The following FILIP1 variants were observed in gnomAD, a reference collection of about 807,000 sequenced individuals.
FILIP1 encodes filamin A interacting protein 1, also known as filamin-A-interacting protein 1.
Under a neutral mutation model 102.1 loss-of-function variants are expected in FILIP1, and 61 were observed. The observed-to-expected ratio is 0.60, with a 90% CI of 0.49 to 0.74. The LOEUF is 0.74. Ranked by LOEUF, FILIP1 falls within the 30% of genes least tolerant of loss-of-function variation. The probability of loss-of-function intolerance (pLI) is 0.00; values close to 1 mark genes in which losing one functional copy is unlikely to be tolerated. For synonymous variants in FILIP1, 491 were observed against 526.9 expected (o/e 0.93, Z 0.93); for missense variants, 1,314 against 1,441.2 (o/e 0.91, Z 1.43).
At chr6:75,341,496 A>G (rs1007303459) in intron 4 of FILIP1, among the ~76,000 whole-genome samples, 1 of 152,038 alleles carries the variant, frequency 6.6e-6, no homozygotes, top group African/African-American at 2.4e-5. Context: ...CAGTCTTAGA[A>G]TATGATCCTT....
intron 1 of FILIP1, among the ~76,000 whole-genome samples, chr6:75,462,245 G>A (rs1779043900): frequency 6.6e-6 from 1 of 152,162 alleles, no homozygotes; most frequent in South Asian, 2.1e-4. Flanking sequence ...CAATCAGAAT[G>A]GATGTCAGCT....
At chr6:75,292,669 TAAAG>T (rs1037617651) in exon 7 of FILIP1, 1 of 151,890 alleles carries the variant, frequency 6.6e-6, no homozygotes, top group African/African-American at 2.4e-5. Flanking sequence ...GCACTGGAGA[TAAAG>T]AAGGGGAAAT....
chr6:75,462,338 C>T (rs1046783785), intron 1 of FILIP1, among the ~76,000 whole-genome samples: 2 of 152,040 alleles, frequency 1.3e-5, no homozygotes, highest in African/African-American at 4.8e-5. Flanking sequence ...AGCTTGACCC[C>T]TTTGTCTTCT....
intron 1 of FILIP1, among the ~76,000 whole-genome samples, chr6:75,451,054 A>T (rs1035991390): frequency 2.6e-4 from 39 of 152,158 alleles, no homozygotes; most frequent in Admixed American, 7.2e-4. Flanking sequence ...TGGGGCAGGG[A>T]TAAGTGTTGG....
At chr6:75,416,982 C>A (rs1777292674) in intron 1 of FILIP1, among the ~76,000 whole-genome samples, 1 of 151,906 alleles carries the variant, frequency 6.6e-6, no homozygotes, top group South Asian at 2.1e-4. Context: ...TATATTAGTT[C>A]TTTCTAAAAA....
chr6:75,417,992 G>A (rs1197004876), intron 1 of FILIP1, among the ~76,000 whole-genome samples: 1 of 152,194 alleles, frequency 6.6e-6, no homozygotes, highest in Non-Finnish European at 1.5e-5. Context: ...AAGGTCGGGA[G>A]ATCAAGACCA....
intron 2 of FILIP1, among the ~76,000 whole-genome samples, chr6:75,412,323 C>T (rs1582466168): frequency 6.6e-6 from 1 of 152,160 alleles, no homozygotes; most frequent in East Asian, 1.9e-4. Flanking sequence ...TGGGCTGAGG[C>T]GATGGGGTTT....
chr6:75,466,581 T>A (rs1779172088), intron 1 of FILIP1, among the ~76,000 whole-genome samples: 1 of 152,230 alleles, frequency 6.6e-6, no homozygotes, highest in South Asian at 2.1e-4. Context: ...ATATTCTGTC[T>A]TCTGTTAGAC....
chr6:75,408,439 ACTGGC>A (rs1232050014), intron 2 of FILIP1, among the ~76,000 whole-genome samples: 5 of 152,242 alleles, frequency 3.3e-5, no homozygotes, highest in African/African-American at 1.2e-4. Flanking sequence ...GGATACCTGG[ACTGGC>A]AAACAAAACA....
rs752453520 is a variant in FILIP1 at position 75,447,468 on chromosome 6, A to G, written c.-6-32490T>C. Among the ~76,000 whole-genome samples the G allele has an allele frequency of 9.1e-4, 139 of 152,174 alleles. 1 individual carries two copies. Among genetic ancestry groups the G allele is most frequent in the Non-Finnish European group, 1.7e-3 (113 of 68,016 alleles). ...AATGTGCAGGGAGCCCTGGGATTCCACTGACTATTTGAAGAGAAGAGGAGA... is the reference window on the plus strand; with the variant it reads ...AATGTGCAGGGAGCCCTGGGATTCCGCTGACTATTTGAAGAGAAGAGGAGA... On this transcript the variant is annotated intron_variant, in intron 1 of 5. Transcript: ENST00000237172.
intron 2 of FILIP1, among the ~76,000 whole-genome samples, chr6:75,375,281 G>T (rs1375373272): frequency 6.6e-6 from 1 of 152,220 alleles, no homozygotes; most frequent in African/African-American, 2.4e-5. Flanking sequence ...GGGAAGAGTA[G>T]CCCTGTCTAT....
chr6:75,440,942 T>C (rs1778190559), intron 1 of FILIP1, among the ~76,000 whole-genome samples: 1 of 138,710 alleles, frequency 7.2e-6, no homozygotes, highest in Admixed American at 7.5e-5. Context: ...AGGAGCGACG[T>C]CTCAAAAAAA....
intron 4 of FILIP1, chr6:75,319,133 A>T: frequency 1.4e-6 from 1 of 724,674 alleles, no homozygotes; most frequent in Non-Finnish European, 2.5e-6. Context: ...CTTTTTTCAG[A>T]CTTGACAATT....
intron 2 of FILIP1, among the ~76,000 whole-genome samples, chr6:75,401,132 T>C (rs1208722338): frequency 6.6e-6 from 1 of 152,188 alleles, no homozygotes; most frequent in African/African-American, 2.4e-5. Flanking sequence ...CAAGCACTTG[T>C]GGACACCAGT....
intron 4 of FILIP1, among the ~76,000 whole-genome samples, chr6:75,329,589 A>G (rs1249058736): frequency 1.3e-5 from 2 of 152,168 alleles, no homozygotes; most frequent in Non-Finnish European, 2.9e-5. Context: ...TCATAAGGGC[A>G]TGATAGTAAT....
chr6:75,352,024 A>C (rs1351577668), intron 4 of FILIP1, among the ~76,000 whole-genome samples: 2 of 152,246 alleles, frequency 1.3e-5, no homozygotes, highest in Non-Finnish European at 2.9e-5. Context: ...AGTACACAAC[A>C]ATTTAGCCAT....
At chr6:75,404,838 C>A (rs140336531) in intron 2 of FILIP1, among the ~76,000 whole-genome samples, 126 of 152,246 alleles carry the variant, frequency 8.3e-4, no homozygotes, top group African/African-American at 2.8e-3. Context: ...ACTTTTGATT[C>A]ACCACTTCCT....
At chr6:75,416,677 T>C (rs1777282058) in intron 1 of FILIP1, among the ~76,000 whole-genome samples, 1 of 152,084 alleles carries the variant, frequency 6.6e-6, no homozygotes, top group Non-Finnish European at 1.5e-5. Flanking sequence ...TGGACTTCCC[T>C]AACTGAATTG....
In FILIP1 at chr6:75,314,581, A is replaced by T. The variant is rs758532905; in HGVS notation, c.1251T>A (p.His417Gln). 1 of 1,613,838 alleles carries T rather than the reference A, an allele frequency of 6.2e-7. No homozygotes were observed. The highest frequency in any genetic ancestry group is 1.1e-5 in the South Asian group (1 of 91,026). The change falls in exon 5 of 6, where the codon CAT (histidine) becomes CAA (glutamine). Residue 417 changes from histidine to glutamine, a missense_variant. Coordinates refer to ENST00000237172, the MANE Select transcript of FILIP1 (RefSeq NM_015687.5). ...CAACTTCAAGTCTGAGCTCCTTACT[A>T]TGGTGTTCTTCCTCTTGCAGCTTCT... Reference protein sequence around the residue: ...LRKKLQEEEHHSKELRLEVEK... With the variant: ...LRKKLQEEEHQSKELRLEVEK...
Sources: gnomAD v4.1 joint callset for allele counts (sites outside exome capture counted in the v4.1 genomes callset) on GRCh38, gnomAD v4.1.1 for gene constraint, MANE v1.5 for transcripts, NCBI Gene and HGNC (gene_info 2026-07-23, HGNC 2026-07-21) for gene names.